Variants in PIEZO1 observed in about 807,000 individuals in gnomAD.
PIEZO1 encodes piezo-type mechanosensitive ion channel component 1.
Under a neutral mutation model 297.2 loss-of-function variants are expected in PIEZO1, and 296 were observed. The ratio of observed to expected loss-of-function variants is 1.00; its 90% confidence interval spans 0.91 to 1.10. PIEZO1 has a LOEUF of 1.10. Among genes scored for constraint, PIEZO1 ranks in the 50% least tolerant of loss-of-function variants. The probability of loss-of-function intolerance (pLI) is 0.00; values close to 1 mark genes in which losing one functional copy is unlikely to be tolerated. For synonymous variants in PIEZO1, 2,427 were observed against 1,507.5 expected (o/e 1.61, Z -14.13); for missense variants, 5,018 against 3,455.5 (o/e 1.45, Z -11.34).
chr16:88,738,105 C>A lies in PIEZO1; in HGVS notation c.849G>T (p.Arg283Ser), dbSNP rs1182919111. Reference protein sequence around the residue: ...ALLPPAGIWARVLGLKDFVGP... With the variant: ...ALLPPAGIWASVLGLKDFVGP... ...CCACGAAGTCCTTGAGACCCAGCAC[C>A]CTGTCCAGAGAAGACCCGTCACAGC... The change falls in exon 8 of 51, where the codon AGG (arginine) becomes AGT (serine). Residue 283 changes from arginine (R) to serine (S), a missense_variant and splice_region_variant. Physicochemically the swap from Arg to Ser is moderately radical, Grantham distance 110 (BLOSUM62 -1). Coordinates refer to ENST00000301015, the MANE Select transcript of PIEZO1 (RefSeq NM_001142864.4). 12 of 1,535,696 alleles carry A rather than the reference C, an allele frequency of 7.8e-6. No homozygotes were observed. The highest frequency in any genetic ancestry group is 1.0e-5 in the Non-Finnish European group (12 of 1,146,846).
chr16:88,731,953 G>GGGGTGTGGGGATGCACTGAGTCT (rs1555555051), intron 21 of PIEZO1, 43 bp from the exon 22 acceptor site: 1 of 285,796 alleles, frequency 3.5e-6, no homozygotes. Context: ...CACTGAGTCT[G>GGGGTGTGGGGATGCACTGAGTCT]GGGGGAGGGA....
At chr16:88,765,570 G>A (rs533717390) in intron 1 of PIEZO1, among the ~76,000 whole-genome samples, 2 of 152,330 alleles carry the variant, frequency 1.3e-5, no homozygotes, top group South Asian at 4.1e-4. Context: ...GCCCGGACAC[G>A]TGGCCAGGTG....
chr16:88,725,784 C>CCT, intron 27 of PIEZO1, 100 bp from the exon 28 acceptor site: 1 of 688,572 alleles, frequency 1.5e-6, no homozygotes, highest in Non-Finnish European at 2.6e-6. Context: ...TCAGCCTGCT[C>CCT]CTCTCTGCCC....
In PIEZO1 at chr16:88,716,896, C is replaced by A; in HGVS notation, c.6663G>T (p.Pro2221=). The change falls in exon 46 of 51, where the codon CCG becomes CCT. Residue 2221 remains proline, a splice_region_variant and synonymous_variant. Coordinates refer to ENST00000301015, the MANE Select transcript of PIEZO1 (RefSeq NM_001142864.4). ...GCTGCTGGGCGCTCATGGTGAACAG[C>A]GGCTGGGGCAGGCACGGGGACACGG... ...TVTLKLGGYE[P]LFTMSAQQPS... 3 of 1,549,630 alleles carry A rather than the reference C, an allele frequency of 1.9e-6. No homozygotes were observed. The highest frequency in any genetic ancestry group is 1.2e-5 in the South Asian group (1 of 84,054).
intron 1 of PIEZO1, among the ~76,000 whole-genome samples, chr16:88,767,809 G>GGAAAGTTAA: frequency 6.6e-6 from 1 of 150,810 alleles, no homozygotes; most frequent in Non-Finnish European, 1.5e-5. Flanking sequence ...CTACAGCCCC[G>GGAAAGTTAA]AGTCAGGACT....
At position 88,725,511 on chromosome 16, in the gene PIEZO1, C is replaced by T. The variant is rs780831903; in HGVS notation, c.4067G>A (p.Arg1356His). The T allele has an allele frequency of 2.5e-5, 39 of 1,534,062 alleles. 1 individual carries two copies. The Admixed American group carries it at 4.8e-4, about 19-fold the overall frequency. ...SLAQLKRQME[R>H]IRAKQEKHRQ... ...GTGCTTCTCCTGCTTGGCACGGATACGCTCCATCCTGTGGTGGGGAAAGGT... is the reference window on the plus strand; with the variant it reads ...GTGCTTCTCCTGCTTGGCACGGATATGCTCCATCCTGTGGTGGGGAAAGGT... Residue 1356 changes from arginine to histidine, a missense_variant, in exon 29 of 51, where the codon CGT (arginine) becomes CAT (histidine). Arg to His is a conservative substitution (Grantham distance 29, BLOSUM62 0). Coordinates refer to ENST00000301015, the MANE Select transcript of PIEZO1 (RefSeq NM_001142864.4).
At chr16:88,776,433 C>G (rs1317544246) in intron 1 of PIEZO1, among the ~76,000 whole-genome samples, 1 of 138,554 alleles carries the variant, frequency 7.2e-6, no homozygotes, top group Non-Finnish European at 1.6e-5. Flanking sequence ...GACTCTGTCT[C>G]AAAAAAAAAA....
chr16:88,781,181 T>G (rs1907918057), intron 1 of PIEZO1, among the ~76,000 whole-genome samples: 1 of 152,050 alleles, frequency 6.6e-6, no homozygotes, highest in South Asian at 2.1e-4. Flanking sequence ...TTCCCCTTCA[T>G]CTTTGAGCAC....
chr16:88,726,490 G>C (rs554088965), intron 26 of PIEZO1, 35 bp from the exon 27 acceptor site: 4 of 1,547,922 alleles, frequency 2.6e-6, no homozygotes, highest in Non-Finnish European at 3.5e-6. Context: ...TCAGGCCCAG[G>C]GCCCAGGAGC....
At chr16:88,767,852 G>C (rs1330788248) in intron 1 of PIEZO1, among the ~76,000 whole-genome samples, 1 of 152,088 alleles carries the variant, frequency 6.6e-6, no homozygotes, top group Non-Finnish European at 1.5e-5. Context: ...ACTCAAGCCA[G>C]CTTCCACCAC....
In PIEZO1 at chr16:88,742,297, C is replaced by T. The variant is rs746776475; in HGVS notation, c.283+3G>A. ...TCCCTACCCCGCCCCCTCAGCGACT[C>T]ACAGCTGGGTCCCAGGAGCTGGTCC... On this transcript the variant is annotated splice_donor_region_variant and intron_variant, in intron 3 of 50. Coordinates refer to ENST00000301015, the MANE Select transcript of PIEZO1 (RefSeq NM_001142864.4). The T allele has an allele frequency of 6.5e-7, 1 of 1,531,608 alleles. No homozygotes were observed. The allele number at this position is 1,531,608 out of a possible 1,614,324, so 94.9% of individuals were successfully genotyped here.
At chr16:88,758,336 A>G (rs1906771830) in intron 1 of PIEZO1, among the ~76,000 whole-genome samples, 2 of 152,094 alleles carry the variant, frequency 1.3e-5, no homozygotes, top group South Asian at 4.1e-4. Flanking sequence ...ACAGACCAAC[A>G]TCGTGCTGCA....
At chr16:88,724,868 G>A (rs867952830) in intron 30 of PIEZO1, 141 bp downstream of exon 30, 14 of 557,650 alleles carry the variant, frequency 2.5e-5, no homozygotes, top group Middle Eastern at 4.7e-4. Flanking sequence ...GGCACCCCCC[G>A]ACCCAGGAGG....
At position 88,727,156 on chromosome 16, in the gene PIEZO1, C is replaced by T; in HGVS notation, c.3338G>A (p.Trp1113Ter). The T allele has an allele frequency of 6.5e-7, 1 of 1,548,806 alleles. No homozygotes were observed. The highest frequency in any genetic ancestry group is 1.2e-5 in the South Asian group (1 of 84,026). ...FLLLLCASQQWQVFSAERTEE... is the reference protein window; with the variant it reads ...FLLLLCASQQ ...TGTGCGCTCAGCTGAGAACACCTGC[C>T]ACTGCTGGGAGGCGCACAGCAGCAG... Residue 1113 changes from tryptophan (W) to a stop codon, truncating the protein, a stop_gained, in exon 24 of 51, where the codon TGG becomes TAG. Transcript: ENST00000301015. LOFTEE classifies it high-confidence loss of function.
intron 1 of PIEZO1, among the ~76,000 whole-genome samples, chr16:88,758,437 A>G (rs1906775777): frequency 6.6e-6 from 1 of 152,148 alleles, no homozygotes; most frequent in Non-Finnish European, 1.5e-5. Flanking sequence ...AGCCATCCCC[A>G]GGGCTCCTCC....
chr16:88,723,783 G>T, intron 31 of PIEZO1, 88 bp downstream of exon 31: 1 of 723,048 alleles, frequency 1.4e-6, no homozygotes. Context: ...CCCAGGCCCT[G>T]GGGGCATCTG....
rs772805454 is a variant in PIEZO1 at position 88,716,866 on chromosome 16, G to T, written c.6693C>A (p.Ser2231=). 7.7e-6 allele frequency: 12 copies of T among 1,549,926 alleles called. No homozygotes were observed. In the South Asian group the frequency reaches 1.3e-4, roughly 17 times the overall value. ...PLFTMSAQQP[S]IIPFTAQAYE... ...AGGCCTGGGCCGTGAAGGGGATGATGGACGGCTGCTGGGCGCTCATGGTGA... is the reference window on the plus strand; with the variant it reads ...AGGCCTGGGCCGTGAAGGGGATGATTGACGGCTGCTGGGCGCTCATGGTGA... Residue 2231 remains serine (S), a synonymous_variant, in exon 46 of 51, where the codon TCC becomes TCA. Coordinates refer to ENST00000301015, the MANE Select transcript of PIEZO1 (RefSeq NM_001142864.4).
chr16:88,749,047 C>A (rs941341576), intron 2 of PIEZO1, among the ~76,000 whole-genome samples: 28 of 150,814 alleles, frequency 1.9e-4, no homozygotes, highest in South Asian at 1.3e-3. Context: ...ACCATCCTGG[C>A]TATCACGGTG....
chr16:88,718,338 T>C (rs958319025), intron 44 of PIEZO1: 2 of 152,806 alleles, frequency 1.3e-5, no homozygotes, highest in African/African-American at 4.8e-5. Context: ...CTCCTCATGA[T>C]GGAAACCACC....
Sources: gnomAD v4.1 joint callset for allele counts (sites outside exome capture counted in the v4.1 genomes callset) on GRCh38, gnomAD v4.1.1 for gene constraint, MANE v1.5 for transcripts, NCBI Gene and HGNC (gene_info 2026-07-23, HGNC 2026-07-21) for gene names.